CORO2B: variants seen among roughly 807,000 people sequenced by gnomAD.
The protein encoded by CORO2B is coronin 2B.
A neutral mutation model predicts 58.8 loss-of-function variants in CORO2B; 26 were observed. That is an observed-to-expected ratio of 0.44 (90% CI 0.32 to 0.61). CORO2B has a LOEUF of 0.61. Among genes scored for constraint, CORO2B ranks in the 20% least tolerant of loss-of-function variants. CORO2B has a pLI of 0.04. For missense variants in CORO2B, 460 were observed against 645.1 expected, an observed-to-expected ratio of 0.71 and a Z score of 3.11; for synonymous variants, 242 against 253.8, an observed-to-expected ratio of 0.95 and a Z score of 0.44.
rs190260232 is a variant in CORO2B, at chr15:68,714,099, G to A, written c.765+58G>A. The A allele has an allele frequency of 1.3e-3, 1,537 of 1,149,034 alleles. 4 individuals carry two copies. Among genetic ancestry groups the A allele is most frequent in the Middle Eastern group, 2.3e-3 (11 of 4,802 alleles). The allele number at this position is 1,149,034 out of a possible 1,614,324, so 71.2% of individuals were successfully genotyped here. On this transcript the variant is annotated intron_variant, in intron 6 of 11. Coordinates refer to ENST00000261861, the MANE Select transcript of CORO2B (RefSeq NM_006091.5). ...TAAAGGAAGCATCGTTGCCTCGGAGGTCACTTCCTCAGAAAGTCAGGAGCC... is the reference window on the plus strand; with the variant it reads ...TAAAGGAAGCATCGTTGCCTCGGAGATCACTTCCTCAGAAAGTCAGGAGCC...
chr15:68,563,734 G>T, the CORO2B span, among the ~76,000 whole-genome samples: 4 of 151,956 alleles, frequency 2.6e-5, no homozygotes, highest in Non-Finnish European at 5.9e-5. Flanking sequence ...AAAGAAAAAA[G>T]ATTATAAATG....
At chr15:68,703,602 T>C (rs1892712190) in intron 3 of CORO2B, among the ~76,000 whole-genome samples, 1 of 152,224 alleles carries the variant, frequency 6.6e-6, no homozygotes, top group South Asian at 2.1e-4. Flanking sequence ...TGTGAACTTC[T>C]ATACCATATA....
chr15:68,572,361 T>G, the CORO2B span, among the ~76,000 whole-genome samples: 14 of 152,166 alleles, frequency 9.2e-5, no homozygotes, highest in African/African-American at 3.1e-4. Flanking sequence ...TTGCCTTGCT[T>G]TTGCTCCCTG....
chr15:68,641,175 G>A (rs1901208684), intron 1 of CORO2B, among the ~76,000 whole-genome samples: 1 of 152,168 alleles, frequency 6.6e-6, no homozygotes, highest in African/African-American at 2.4e-5. Flanking sequence ...TTTCCAGGAA[G>A]CAGGCCTGCC....
chr15:68,603,525 C>G (rs1030669194), intron 1 of CORO2B, among the ~76,000 whole-genome samples: 3 of 152,044 alleles, frequency 2.0e-5, no homozygotes, highest in African/African-American at 7.2e-5. Flanking sequence ...TGAATTGTAT[C>G]CCCCTAATTC....
the CORO2B span, among the ~76,000 whole-genome samples, chr15:68,563,419 T>G: frequency 6.6e-6 from 1 of 151,682 alleles, no homozygotes; most frequent in East Asian, 1.9e-4. Flanking sequence ...CCTAGGAGGT[T>G]GAGGCTGTGG....
intron 3 of CORO2B, among the ~76,000 whole-genome samples, chr15:68,700,043 G>C (rs1055364243): frequency 6.6e-6 from 1 of 152,172 alleles, no homozygotes; most frequent in African/African-American, 2.4e-5. Flanking sequence ...GCAGCTTCCA[G>C]GGGGTGGACA....
At chr15:68,553,021 C>A in the CORO2B span, among the ~76,000 whole-genome samples, 1 of 152,228 alleles carries the variant, frequency 6.6e-6, no homozygotes, top group South Asian at 2.1e-4. Context: ...AGGCACCACG[C>A]CAGGCCCCGG....
chr15:68,605,711 GTTTTT>G (rs35340917), intron 1 of CORO2B, among the ~76,000 whole-genome samples: 1 of 99,094 alleles, frequency 1.0e-5, no homozygotes, highest in African/African-American at 4.7e-5. Flanking sequence ...GGGCTCTTGG[GTTTTT>G]TTTTTTTTTT....
chr15:68,704,537 T>A (rs1892737593), intron 3 of CORO2B, among the ~76,000 whole-genome samples: 1 of 152,162 alleles, frequency 6.6e-6, no homozygotes, highest in Non-Finnish European at 1.5e-5. Context: ...ACAAAGCTTC[T>A]TGCTTGTTGG....
intron 11 of CORO2B, among the ~76,000 whole-genome samples, chr15:68,724,574 G>T (rs1465878800): frequency 6.6e-6 from 1 of 152,126 alleles, no homozygotes; most frequent in African/African-American, 2.4e-5. Context: ...CAGTCTTTTA[G>T]GGCTAGATCT....
intron 1 of CORO2B, among the ~76,000 whole-genome samples, chr15:68,626,720 G>A (rs766701433): frequency 3.9e-5 from 6 of 152,308 alleles, no homozygotes; most frequent in East Asian, 1.9e-4. Context: ...AGTCCATTTC[G>A]TTGGCTGGGG....
upstream of CORO2B, among the ~76,000 whole-genome samples, chr15:68,574,260 G>A (rs796356173): frequency 7.2e-5 from 11 of 152,332 alleles, no homozygotes; most frequent in African/African-American, 2.6e-4. Context: ...TTGGAAGCCT[G>A]ATGAGCTGAG....
intron 6 of CORO2B, among the ~76,000 whole-genome samples, 199 bp downstream of exon 6, chr15:68,714,240 A>G (rs1418449816): frequency 6.6e-6 from 1 of 152,154 alleles, no homozygotes; most frequent in Non-Finnish European, 1.5e-5. Context: ...CACCTGCAAG[A>G]TGTTCACCCT....
At chr15:68,635,686 A>G (rs1901012866) in intron 1 of CORO2B, among the ~76,000 whole-genome samples, 1 of 152,202 alleles carries the variant, frequency 6.6e-6, no homozygotes, top group Non-Finnish European at 1.5e-5. Flanking sequence ...ACATGGAGGA[A>G]AAGTTGGGCC....
chr15:68,563,945 T>C, the CORO2B span, among the ~76,000 whole-genome samples: 31 of 152,148 alleles, frequency 2.0e-4, no homozygotes, highest in Admixed American at 4.6e-4. Flanking sequence ...TAAAGAAGAA[T>C]CAAAACCAAT....
Position 68,726,018 on chromosome 15 carries a change from C to A in CORO2B, c.*44C>A. Reference sequence around the variant, plus strand: ...TTCTAAGCCGATCTCTCCGTCGTTTCTACTCATCCCTTAACTTCTCCCTTA... The same window carrying A: ...TTCTAAGCCGATCTCTCCGTCGTTTATACTCATCCCTTAACTTCTCCCTTA... On this transcript the variant is annotated 3_prime_UTR_variant, in exon 12 of 12. Transcript: ENST00000261861. 1 of 1,606,046 alleles carries A rather than the reference C, an allele frequency of 6.2e-7. No homozygotes were observed. Among genetic ancestry groups the A allele is most frequent in the South Asian group, 1.1e-5 (1 of 90,800 alleles).
At chr15:68,573,857 G>T in the CORO2B span, among the ~76,000 whole-genome samples, 5 of 152,316 alleles carry the variant, frequency 3.3e-5, no homozygotes, top group Admixed American at 2.0e-4. Context: ...GGGAGTTGTG[G>T]AAAGCAGCAC....
In CORO2B at chr15:68,710,753, G is replaced by A. The variant is rs758897752; in HGVS notation, c.355G>A (p.Glu119Lys). ...DTSVRIWEIPEGGLKRNMTEA... is the reference protein window; with the variant it reads ...DTSVRIWEIPKGGLKRNMTEA... ...GCAGGTGCGGATCTGGGAGATCCCC[G>A]AGGGCGGGCTGAAGCGGAACATGAC... The change falls in exon 4 of 12, where the codon GAG (glutamate) becomes AAG (lysine). Residue 119 changes from glutamate (E) to lysine (K), a missense_variant. Transcript: ENST00000261861. This position sits in a 1 kb window ranked among gnomAD's most constrained non-coding sequence, Gnocchi z 4.1. 8 of 1,609,616 alleles carry A rather than the reference G, an allele frequency of 5.0e-6. No individual in the cohort carries two copies. The highest frequency in any genetic ancestry group is 4.0e-5 in the African/African-American group (3 of 74,884).
Sources: gnomAD v4.1 joint callset for allele counts (sites outside exome capture counted in the v4.1 genomes callset) on GRCh38, gnomAD v4.1.1 for gene constraint, Gnocchi (gnomAD v3.1) non-coding constraint, MANE v1.5 for transcripts, NCBI Gene and HGNC (gene_info 2026-07-23, HGNC 2026-07-21) for gene names.